Variants in DOCK1 observed in about 807,000 individuals in gnomAD.
The protein encoded by DOCK1 is dedicator of cytokinesis 1, also known as dedicator of cytokinesis protein 1.
In DOCK1, 138 loss-of-function variants were observed where a neutral mutation model predicts 262.7. The observed-to-expected ratio is 0.53, with a 90% CI of 0.46 to 0.61. DOCK1 has a LOEUF of 0.61. Among genes scored for constraint, DOCK1 ranks in the 20% least tolerant of loss-of-function variants. The pLI is 0.00. For synonymous variants in DOCK1, 866 were observed against 867.4 expected (o/e 1.00, Z 0.03); for missense variants, 1,908 against 2,370.7 (o/e 0.80, Z 4.05).
intron 27 of DOCK1, among the ~76,000 whole-genome samples, chr10:127,152,942 G>A (rs1162338730): frequency 6.6e-6 from 1 of 152,194 alleles, no homozygotes; most frequent in East Asian, 1.9e-4. Flanking sequence ...TTTCCCTTGG[G>A]AGAGAACCCT....
intron 40 of DOCK1, among the ~76,000 whole-genome samples, chr10:127,405,635 T>C (rs186268672): frequency 6.6e-6 from 1 of 152,262 alleles, no homozygotes; most frequent in Non-Finnish European, 1.5e-5. Context: ...CGGGAGTCAC[T>C]AATAGTGTGA....
At chr10:127,274,119 A>C (rs1040052630) in intron 29 of DOCK1, among the ~76,000 whole-genome samples, 2 of 152,116 alleles carry the variant, frequency 1.3e-5, no homozygotes, top group African/African-American at 4.8e-5. Context: ...GTGAGCTCCC[A>C]AAAAAAGTGC....
chr10:127,093,925 G>A (rs1564798366), intron 23 of DOCK1, among the ~76,000 whole-genome samples: 2 of 152,128 alleles, frequency 1.3e-5, no homozygotes, highest in Non-Finnish European at 2.9e-5. Context: ...TTCTTGCCTG[G>A]TCATCCCATG....
chr10:127,315,175 T>G (rs768167737), intron 29 of DOCK1, among the ~76,000 whole-genome samples: 3 of 151,964 alleles, frequency 2.0e-5, no homozygotes, highest in Admixed American at 6.6e-5. Flanking sequence ...TGAGAGTGGG[T>G]TAGAAGATGG....
At chr10:127,292,154 C>G (rs991976150) in intron 29 of DOCK1, among the ~76,000 whole-genome samples, 3 of 152,222 alleles carry the variant, frequency 2.0e-5, no homozygotes, top group Non-Finnish European at 4.4e-5. Flanking sequence ...TTACCATTTG[C>G]ACTTCCAGTA....
intron 1 of DOCK1, among the ~76,000 whole-genome samples, chr10:126,927,858 G>A (rs961807855): frequency 1.6e-4 from 24 of 152,186 alleles, no homozygotes; most frequent in Non-Finnish European, 1.5e-4. Context: ...TCCACCCTTG[G>A]GTTGCTGTGG....
chr10:127,105,771 C>G (rs982471505), intron 23 of DOCK1, among the ~76,000 whole-genome samples: 2 of 152,062 alleles, frequency 1.3e-5, no homozygotes, highest in African/African-American at 4.8e-5. Flanking sequence ...GATTCATTTT[C>G]TTTTTTGAGA....
In DOCK1 at chr10:126,969,664, GCCCAGCTGGCGAGGGAGAAGTTGGTA is replaced by G. The variant is rs539947151; in HGVS notation, c.47-1033_47-1008del. On this transcript the variant is annotated intron_variant, in intron 1 of 51. Coordinates refer to ENST00000623213, the MANE Select transcript of DOCK1 (RefSeq NM_001290223.2). ...GTGATGAGGTGCACCCAGTGGGAAG[GCCCAGCTGGCGAGGGAGAAGTTGGTA>G]CCCAAAGATGTGGGCTGGACTGGCT... 1.2e-3 allele frequency among the ~76,000 whole-genome samples: 177 copies of G among 152,324 alleles called. 1 individual carries two copies. Among genetic ancestry groups the G allele is most frequent in the Middle Eastern group, 3.4e-3 (1 of 294 alleles).
intron 25 of DOCK1, among the ~76,000 whole-genome samples, chr10:127,116,009 G>A (rs1175994531): frequency 6.6e-6 from 1 of 152,206 alleles, no homozygotes; most frequent in East Asian, 1.9e-4. Context: ...ATGAGACTTT[G>A]AGAGTAAATT....
chr10:127,206,462 A>G (rs1308874768), intron 27 of DOCK1, among the ~76,000 whole-genome samples: 3 of 152,188 alleles, frequency 2.0e-5, no homozygotes, highest in Admixed American at 2.0e-4. Context: ...ATTCTTATAT[A>G]TACATGTGTA....
chr10:126,941,551 T>A (rs967105969), intron 1 of DOCK1, among the ~76,000 whole-genome samples: 1 of 152,100 alleles, frequency 6.6e-6, no homozygotes, highest in South Asian at 2.1e-4. Context: ...GGTCAGGAGA[T>A]CGAGACCATC....
chr10:127,161,953 T>G (rs911948102), intron 27 of DOCK1, among the ~76,000 whole-genome samples: 5 of 152,236 alleles, frequency 3.3e-5, no homozygotes, highest in African/African-American at 1.2e-4. Context: ...TTCCTGACAG[T>G]TAAGTAAAAC....
intron 27 of DOCK1, among the ~76,000 whole-genome samples, chr10:127,151,838 GT>G (rs1456006572): frequency 6.6e-6 from 1 of 152,158 alleles, no homozygotes; most frequent in African/African-American, 2.4e-5. Context: ...TTCATGTAGA[GT>G]GATGTTTGAG....
intron 1 of DOCK1, among the ~76,000 whole-genome samples, chr10:126,945,426 G>C (rs925485364): frequency 1.3e-5 from 2 of 151,878 alleles, no homozygotes; most frequent in Non-Finnish European, 2.9e-5. Flanking sequence ...GCAGCGGAGA[G>C]GGGGAGAGGG....
At chr10:127,369,820 G>A (rs1267930470) in intron 33 of DOCK1, among the ~76,000 whole-genome samples, 1 of 152,216 alleles carries the variant, frequency 6.6e-6, no homozygotes, top group East Asian at 1.9e-4. Flanking sequence ...GTGTAATTAA[G>A]TTTCCAGAGC....
At chr10:127,119,205 G>A (rs1318787603) in intron 25 of DOCK1, among the ~76,000 whole-genome samples, 2 of 152,078 alleles carry the variant, frequency 1.3e-5, no homozygotes, top group South Asian at 2.1e-4. Context: ...CACCGTGGCC[G>A]ACTAATTTTG....
At chr10:127,211,925 C>T (rs1039585569) in intron 27 of DOCK1, among the ~76,000 whole-genome samples, 12 of 152,140 alleles carry the variant, frequency 7.9e-5, no homozygotes, top group African/African-American at 2.4e-4. Flanking sequence ...CTGCAGAGTG[C>T]GCCAATATTC....
intron 27 of DOCK1, among the ~76,000 whole-genome samples, chr10:127,222,581 G>A (rs1348090856): frequency 6.6e-6 from 1 of 151,918 alleles, no homozygotes; most frequent in Non-Finnish European, 1.5e-5. Flanking sequence ...TGTACATAGA[G>A]ACCACCTTTC....
chr10:126,949,723 T>C (rs2036021644), intron 1 of DOCK1, among the ~76,000 whole-genome samples: 1 of 152,178 alleles, frequency 6.6e-6, no homozygotes, highest in Non-Finnish European at 1.5e-5. Context: ...ATATTTCACC[T>C]AAAAAGGACT....
Sources: gnomAD v4.1 joint callset for allele counts (sites outside exome capture counted in the v4.1 genomes callset) on GRCh38, gnomAD v4.1.1 for gene constraint, MANE v1.5 for transcripts, NCBI Gene and HGNC (gene_info 2026-07-23, HGNC 2026-07-21) for gene names.